Variants in CALN1 observed in about 807,000 individuals in gnomAD.
CALN1 encodes calcium-binding protein 8.
A neutral mutation model predicts 30.6 loss-of-function variants in CALN1; 17 were observed. The ratio of observed to expected loss-of-function variants is 0.56; its 90% CI spans 0.38 to 0.83. CALN1 has a LOEUF of 0.83. Ranked by LOEUF, CALN1 falls within the 40% of genes least tolerant of loss-of-function variation. The pLI is 0.00. For synonymous variants in CALN1, 156 were observed against 131.4 expected, an observed-to-expected ratio of 1.19 and a Z score of -1.28; for missense variants, 291 against 354.9, an observed-to-expected ratio of 0.82 and a Z score of 1.45.
intron 5 of CALN1, among the ~76,000 whole-genome samples, chr7:71,914,398 G>A (rs913383744): frequency 1.3e-5 from 2 of 152,084 alleles, no homozygotes; most frequent in African/African-American, 4.8e-5. Flanking sequence ...CCTTTTCATG[G>A]CTGCATAGTA....
rs748861238 is a variant in CALN1, at chr7:71,815,286, T to C, written c.502-4794A>G. ...CTTTGCTTTGCCTAAGGGTCTACTA[T>C]ATTTGTTTCCCCTTGTAGGAGAGGA... On this transcript the variant is annotated intron_variant, in intron 5 of 6. Coordinates refer to ENST00000395275, the MANE Select transcript of CALN1 (RefSeq NM_031468.4). 5.9e-5 allele frequency among the ~76,000 whole-genome samples: 9 copies of C among 152,170 alleles called. No individual in the cohort carries two copies. The South Asian group carries it at 1.7e-3, about 28-fold the overall frequency.
intron 3 of CALN1, among the ~76,000 whole-genome samples, chr7:72,230,497 G>C (rs1444115905): frequency 1.3e-5 from 2 of 151,330 alleles, no homozygotes; most frequent in Non-Finnish European, 2.9e-5. Context: ...AAAAGAGTGA[G>C]GCCCTGTCTT....
At chr7:72,098,139 T>C (rs1318021588) in intron 4 of CALN1, among the ~76,000 whole-genome samples, 1 of 152,098 alleles carries the variant, frequency 6.6e-6, no homozygotes, top group Non-Finnish European at 1.5e-5. Context: ...TCAAGGAGCC[T>C]GGTGGAAAAG....
intron 5 of CALN1, among the ~76,000 whole-genome samples, chr7:71,882,873 T>C (rs1792665226): frequency 6.6e-6 from 1 of 151,004 alleles, no homozygotes; most frequent in Non-Finnish European, 1.5e-5. Flanking sequence ...TGTGTGTGTG[T>C]GTGTGTGTGT....
Position 72,030,283 on chromosome 7 carries a change from G to A in CALN1, c.389-6514C>T, listed in dbSNP as rs844683. ...GGCCCATGGTTGGAGGAACAATCAG[G>A]ATAGGTCCCCCATATCTCCAGCTGT... On this transcript the variant is annotated intron_variant, in intron 4 of 6. Transcript: ENST00000395275. Among the ~76,000 whole-genome samples, 1,078 of 152,268 alleles carry A rather than the reference G, an allele frequency of 7.1e-3. 15 individuals carry two copies. The highest frequency in any genetic ancestry group is 0.025 in the African/African-American group (1,052 of 41,544).
At chr7:72,005,300 A>G (rs1243144238) in intron 5 of CALN1, among the ~76,000 whole-genome samples, 1 of 152,150 alleles carries the variant, frequency 6.6e-6, no homozygotes, top group Non-Finnish European at 1.5e-5. Context: ...TTCATCCTGT[A>G]AAATACTACT....
At position 72,054,480 on chromosome 7, in the gene CALN1, C is replaced by CAT. The variant is rs142217256; in HGVS notation, c.389-30713_389-30712dup. On this transcript the variant is annotated intron_variant, in intron 4 of 6. Transcript: ENST00000395275. ...ATACATATATATACATATATACATA[C>CAT]ATATATATATACATATATACATATA... Among the ~76,000 whole-genome samples, 19 of 73,618 alleles carry CAT rather than the reference C, an allele frequency of 2.6e-4. 1 individual carries two copies. Among genetic ancestry groups the CAT allele is most frequent in the African/African-American group, 9.4e-4 (15 of 15,942 alleles). 48.3% of individuals were successfully genotyped at this position (73,618 alleles called of 152,430 possible). A position where few individuals can be genotyped will look rare whatever the true frequency, so the allele number is the denominator to read the frequency against.
chr7:72,197,482 G>A lies in CALN1; in HGVS notation c.244+81204C>T, dbSNP rs1243076948. ...CCCAAAGCGCTGGGATTACAGGCGT[G>A]AGCCACCACACCTGGCTGGTTTGCT... On this transcript the variant is annotated intron_variant, in intron 3 of 6. Transcript: ENST00000395275. Among the ~76,000 whole-genome samples, 3 of 152,160 alleles carry A rather than the reference G, an allele frequency of 2.0e-5. No homozygotes were observed. The East Asian group carries it at 5.8e-4, about 30-fold the overall frequency.
chr7:72,384,081 A>T (rs1217243254), intron 2 of CALN1, among the ~76,000 whole-genome samples: 1 of 152,234 alleles, frequency 6.6e-6, no homozygotes, highest in Non-Finnish European at 1.5e-5. Flanking sequence ...CCCATTTCTT[A>T]TGCATAAATG....
In CALN1 at chr7:72,092,832, T is replaced by G. The variant is rs1805964705; in HGVS notation, c.388+13319A>C. Among the ~76,000 whole-genome samples, 3 of 152,218 alleles carry G rather than the reference T, an allele frequency of 2.0e-5. No individual in the cohort carries two copies. The South Asian group carries it at 6.2e-4, about 32-fold the overall frequency. ...GTGACAAAACCCTTAAGAATCACTG[T>G]GTGATTCCCCGGGTCTCTTTCCCCT... is the stretch of plus-strand genomic sequence containing the variant. On this transcript the variant is annotated intron_variant, in intron 4 of 6. Coordinates refer to ENST00000395275, the MANE Select transcript of CALN1 (RefSeq NM_031468.4).
At chr7:72,373,573 T>C (rs1351184555) in intron 2 of CALN1, among the ~76,000 whole-genome samples, 4 of 152,194 alleles carry the variant, frequency 2.6e-5, no homozygotes, top group Non-Finnish European at 5.9e-5. Context: ...TGTTAGGTGA[T>C]TTTTCCCAAC....
At chr7:72,411,680 T>C (rs1185730971) in intron 1 of CALN1, among the ~76,000 whole-genome samples, 1 of 152,186 alleles carries the variant, frequency 6.6e-6, no homozygotes, top group Non-Finnish European at 1.5e-5. Context: ...AAGTTCTCAA[T>C]GATGCCAAAT....
intron 5 of CALN1, among the ~76,000 whole-genome samples, chr7:71,876,891 G>C (rs1472001214): frequency 6.6e-6 from 1 of 152,118 alleles, no homozygotes; most frequent in African/African-American, 2.4e-5. Context: ...GGTTTAGTTG[G>C]GATGGTAAAA....
At chr7:72,271,320 A>T (rs1441442373) in intron 3 of CALN1, among the ~76,000 whole-genome samples, 1 of 151,892 alleles carries the variant, frequency 6.6e-6, no homozygotes, top group Non-Finnish European at 1.5e-5. Context: ...GGAGACAAAG[A>T]GTGTGCCTCA....
chr7:72,259,168 G>A (rs1367363919), intron 3 of CALN1, among the ~76,000 whole-genome samples: 4 of 151,980 alleles, frequency 2.6e-5, no homozygotes, highest in Admixed American at 2.0e-4. Context: ...GTGACTCCCA[G>A]TTCTCCAGCC....
chr7:71,870,794 A>T (rs2116732027), intron 5 of CALN1, among the ~76,000 whole-genome samples: 1 of 152,336 alleles, frequency 6.6e-6, no homozygotes, highest in African/African-American at 2.4e-5. Context: ...AAGTCTCATT[A>T]CTTTGTATTT....
Position 72,038,125 on chromosome 7 carries a change from C to G in CALN1, c.389-14356G>C, listed in dbSNP as rs191801356. ...ACCACTGATCAGTGGTCAGAACACA[C>G]GTCCCTGATATTTGGAGAACAGGAT... On this transcript the variant is annotated intron_variant, in intron 4 of 6. Transcript: ENST00000395275. 4.2e-3 allele frequency among the ~76,000 whole-genome samples: 635 copies of G among 152,170 alleles called. 5 individuals carry two copies. Among genetic ancestry groups the G allele is most frequent in the African/African-American group, 0.015 (603 of 41,518 alleles).
intron 3 of CALN1, among the ~76,000 whole-genome samples, chr7:72,260,672 C>T (rs758909171): frequency 6.6e-6 from 1 of 152,096 alleles, no homozygotes; most frequent in South Asian, 2.1e-4. Flanking sequence ...TTTACACCCC[C>T]AGTGGGTGCT....
chr7:72,217,503 G>C (rs1300974571), intron 3 of CALN1, among the ~76,000 whole-genome samples: 2 of 152,176 alleles, frequency 1.3e-5, no homozygotes, highest in Non-Finnish European at 2.9e-5. Flanking sequence ...CAAAGTGTGG[G>C]AGAGTGCAAA....
Sources: gnomAD v4.1 joint callset for allele counts (sites outside exome capture counted in the v4.1 genomes callset) on GRCh38, gnomAD v4.1.1 for gene constraint, MANE v1.5 for transcripts, NCBI Gene and HGNC (gene_info 2026-07-23, HGNC 2026-07-21) for gene names.